HIVEP3: variants seen among roughly 807,000 people sequenced by gnomAD.
The protein encoded by HIVEP3 is transcription factor HIVEP3.
HIVEP3 carries 49 observed loss-of-function variants against 152.8 expected under a neutral mutation model. That is an observed-to-expected ratio of 0.32 (90% CI 0.26 to 0.41). The LOEUF (loss-of-function observed/expected upper bound fraction) is 0.41. Ranked by LOEUF, HIVEP3 falls within the 10% of genes least tolerant of loss-of-function variation. HIVEP3 has a pLI of 1.00. For synonymous variants in HIVEP3, 1,269 were observed against 1,289.0 expected, an observed-to-expected ratio of 0.98 and a Z score of 0.33; for missense variants, 2,790 against 3,103.3, an observed-to-expected ratio of 0.90 and a Z score of 2.40.
In HIVEP3 at chr1:41,587,741, T is replaced by TA. The variant is rs763723468; in HGVS notation, c.-521-2424_-521-2423insT. 5.3e-5 allele frequency among the ~76,000 whole-genome samples: 8 copies of TA among 152,136 alleles called. 1 individual carries two copies. Among genetic ancestry groups the TA allele is most frequent in the African/African-American group, 1.9e-4 (8 of 41,420 alleles). ...GCTAGAAAGGTGATATGATTTTCCC[T>TA]GAAAATCACACGGGAATGGTGGCAG... On this transcript the variant is annotated intron_variant, in intron 3 of 8. Coordinates refer to ENST00000372583, the MANE Select transcript of HIVEP3 (RefSeq NM_024503.5).
intron 5 of HIVEP3, among the ~76,000 whole-genome samples, chr1:41,545,558 TACCATCACCACCACCACCACCACCATC>T (rs1643757440): frequency 4.9e-5 from 1 of 20,232 alleles, no homozygotes; most frequent in Non-Finnish European, 1.1e-4. Flanking sequence ...TCACCATCAC[TACCATCACCACCACCACCACCACCATC>T]ACCATCACCA....
intron 1 of HIVEP3, among the ~76,000 whole-genome samples, chr1:41,900,322 G>C (rs182290644): frequency 1.3e-5 from 2 of 152,342 alleles, no homozygotes; most frequent in Admixed American, 6.5e-5. Flanking sequence ...TGGGTGGTCA[G>C]TAAATGACAG....
At chr1:41,547,360 G>C (rs1178772396) in intron 5 of HIVEP3, among the ~76,000 whole-genome samples, 1 of 152,220 alleles carries the variant, frequency 6.6e-6, no homozygotes, top group African/African-American at 2.4e-5. Context: ...GGTTTGGAAG[G>C]ATAGCTGTTG....
Position 41,840,760 on chromosome 1 carries a change from C to T in HIVEP3, c.-801+77653G>A, listed in dbSNP as rs530268187. Among the ~76,000 whole-genome samples the T allele has an allele frequency of 2.0e-4, 31 of 152,224 alleles. 1 individual carries two copies. In the East Asian group the frequency reaches 4.1e-3, roughly 20 times the overall value. ...CCGTGCCAGCCAGCCAGTCACTGGA[C>T]GACATAACCAGAGGAAGCTTGGCAC... is the stretch of plus-strand genomic sequence containing the variant. On this transcript the variant is annotated intron_variant, in intron 1 of 8. Transcript: ENST00000372583.
chr1:41,707,392 T>G (rs761731871), intron 1 of HIVEP3, among the ~76,000 whole-genome samples: 7 of 152,186 alleles, frequency 4.6e-5, no homozygotes, highest in Non-Finnish European at 1.0e-4. Flanking sequence ...GACTTATGAT[T>G]ATGCTTCCAT....
chr1:42,029,122 G>A (rs934424150), intron 1 of HIVEP3, among the ~76,000 whole-genome samples: 3 of 152,184 alleles, frequency 2.0e-5, no homozygotes, highest in African/African-American at 4.8e-5. Context: ...CTTCTGTTTT[G>A]TAAAGTCAGC....
At chr1:41,641,388 C>T (rs1483134576) in intron 2 of HIVEP3, among the ~76,000 whole-genome samples, 1 of 152,178 alleles carries the variant, frequency 6.6e-6, no homozygotes, top group East Asian at 1.9e-4. Context: ...CTCCGGGGAC[C>T]CAGCCAGGCT....
chr1:41,648,196 T>G (rs1318083897), intron 2 of HIVEP3, among the ~76,000 whole-genome samples: 1 of 152,230 alleles, frequency 6.6e-6, no homozygotes, highest in Non-Finnish European at 1.5e-5. Context: ...GCATTGTGTC[T>G]CTATGGCCCT....
intron 1 of HIVEP3, among the ~76,000 whole-genome samples, chr1:41,972,056 C>G (rs375268281): frequency 3.3e-5 from 5 of 152,178 alleles, no homozygotes; most frequent in African/African-American, 1.2e-4. Context: ...AATAAATATT[C>G]TTTATAAATT....
At chr1:42,001,722 C>T (rs1444635397) in intron 1 of HIVEP3, among the ~76,000 whole-genome samples, 1 of 152,180 alleles carries the variant, frequency 6.6e-6, no homozygotes, top group Non-Finnish European at 1.5e-5. Flanking sequence ...ACAAGCAGCC[C>T]TGGTATCTAG....
intron 1 of HIVEP3, among the ~76,000 whole-genome samples, chr1:41,937,316 C>T (rs773018695): frequency 6.6e-6 from 1 of 152,174 alleles, no homozygotes; most frequent in East Asian, 1.9e-4. Flanking sequence ...CTGGGCACAA[C>T]ACTTTCTTCC....
At chr1:41,725,036 G>C (rs1282285456) in intron 1 of HIVEP3, among the ~76,000 whole-genome samples, 1 of 152,200 alleles carries the variant, frequency 6.6e-6, no homozygotes, top group Non-Finnish European at 1.5e-5. Flanking sequence ...TTTCCTACTT[G>C]GCAGAGGAGG....
chr1:41,561,810 A>G (rs144012323), intron 5 of HIVEP3, among the ~76,000 whole-genome samples: 72 of 78,822 alleles, frequency 9.1e-4, no homozygotes, highest in African/African-American at 2.7e-3. Context: ...TTCACTTTGC[A>G]TTTTAGTTTT....
At chr1:41,921,632 C>T (rs371912187), upstream of HIVEP3, among the ~76,000 whole-genome samples, 9 of 152,060 alleles carry the variant, frequency 5.9e-5, no homozygotes, top group African/African-American at 1.9e-4. Flanking sequence ...AATACAGACC[C>T]CTAAGAAGTA....
At chr1:41,766,999 G>T (rs916300388) in intron 1 of HIVEP3, among the ~76,000 whole-genome samples, 1 of 152,184 alleles carries the variant, frequency 6.6e-6, no homozygotes, top group Non-Finnish European at 1.5e-5. Flanking sequence ...CTAGACTACA[G>T]CTTTGGCAGC....
intron 1 of HIVEP3, among the ~76,000 whole-genome samples, chr1:41,943,073 A>C (rs1354854868): frequency 6.6e-6 from 1 of 151,068 alleles, no homozygotes; most frequent in Non-Finnish European, 1.5e-5. Flanking sequence ...CTAATTTTTT[A>C]TTTTTTTTAT....
At chr1:41,800,116 C>T (rs1188951069) in intron 1 of HIVEP3, among the ~76,000 whole-genome samples, 1 of 152,166 alleles carries the variant, frequency 6.6e-6, no homozygotes, top group Non-Finnish European at 1.5e-5. Flanking sequence ...CGAAGGTTTC[C>T]AAAAGGAGGA....
intron 1 of HIVEP3, among the ~76,000 whole-genome samples, chr1:42,029,470 G>A (rs899453178): frequency 2.0e-5 from 3 of 152,098 alleles, no homozygotes; most frequent in Non-Finnish European, 4.4e-5. Context: ...AAGGGTTCTT[G>A]GGAATAATGA....
intron 1 of HIVEP3, among the ~76,000 whole-genome samples, chr1:41,910,262 A>C (rs1204315877): frequency 6.6e-6 from 1 of 151,986 alleles, no homozygotes; most frequent in Non-Finnish European, 1.5e-5. Flanking sequence ...AACATTAAAA[A>C]ATAACAGCAT....
Sources: gnomAD v4.1 joint callset for allele counts (sites outside exome capture counted in the v4.1 genomes callset) on GRCh38, gnomAD v4.1.1 for gene constraint, MANE v1.5 for transcripts, NCBI Gene and HGNC (gene_info 2026-07-23, HGNC 2026-07-21) for gene names.